The following RAB39A variants were observed in gnomAD, a reference collection of about 807,000 sequenced individuals.
RAB39A encodes RAB39A, member RAS oncogene family.
RAB39A carries 17 observed loss-of-function variants against 20.9 expected under a neutral mutation model. That is an observed-to-expected ratio of 0.81 (90% CI 0.56 to 1.22). RAB39A has a LOEUF of 1.22. Among genes scored for constraint, RAB39A ranks in the 50% most tolerant of loss-of-function variants. RAB39A has a pLI of 0.00. For missense variants in RAB39A, 234 were observed against 270.5 expected, an observed-to-expected ratio of 0.87 and a Z score of 0.95; for synonymous variants, 99 against 103.4, an observed-to-expected ratio of 0.96 and a Z score of 0.26.
chr11:107,929,201 C>T (rs1283859257), intron 1 of RAB39A, among the ~76,000 whole-genome samples: 3 of 152,202 alleles, frequency 2.0e-5, no homozygotes, highest in Admixed American at 6.5e-5. Flanking sequence ...GCAGGCGCCC[C>T]TTTTCCTACC....
At chr11:107,944,494 C>G (rs1342203412) in intron 1 of RAB39A, among the ~76,000 whole-genome samples, 1 of 152,128 alleles carries the variant, frequency 6.6e-6, no homozygotes, top group South Asian at 2.1e-4. Context: ...CTCCCAGATT[C>G]TCCTGTCTCA....
At chr11:107,946,460 ATTTTTTTTT>A (rs869125579) in intron 1 of RAB39A, among the ~76,000 whole-genome samples, 117 of 15,728 alleles carry the variant, frequency 7.4e-3, no homozygotes, top group East Asian at 0.049. Context: ...ATATATATAT[ATTTTTTTTT>A]TTTTTTTTTT....
chr11:107,934,002 A>C (rs1861167242), intron 1 of RAB39A, among the ~76,000 whole-genome samples: 2 of 152,154 alleles, frequency 1.3e-5, no homozygotes, highest in African/African-American at 4.8e-5. Context: ...TAAGTTTGGA[A>C]ATCCCTGTAT....
chr11:107,932,577 C>T (rs953028731), intron 1 of RAB39A, among the ~76,000 whole-genome samples: 1 of 152,188 alleles, frequency 6.6e-6, no homozygotes, highest in African/African-American at 2.4e-5. Context: ...TAGATTCTTT[C>T]GGCTCTCAAT....
At chr11:107,960,037 C>G (rs1565467378) in intron 1 of RAB39A, among the ~76,000 whole-genome samples, 2 of 152,070 alleles carry the variant, frequency 1.3e-5, no homozygotes, top group Non-Finnish European at 2.9e-5. Flanking sequence ...TGGTGAAACC[C>G]TGTCTCCACT....
At chr11:107,957,704 T>G (rs1320150597) in intron 1 of RAB39A, among the ~76,000 whole-genome samples, 1 of 152,186 alleles carries the variant, frequency 6.6e-6, no homozygotes, top group African/African-American at 2.4e-5. Context: ...AGGGGTTTTG[T>G]ATCTGCTTTA....
At position 107,946,396 on chromosome 11, in the gene RAB39A, ATGTG is replaced by A. The variant is rs71047654; in HGVS notation, c.228-15512_228-15509del. Among the ~76,000 whole-genome samples the A allele has an allele frequency of 5.5e-3, 206 of 37,616 alleles. 3 individuals carry two copies. The highest frequency in any genetic ancestry group is 0.016 in the African/African-American group (132 of 8,250). The allele number at this position is 37,616 out of a possible 152,430, so 24.7% of individuals were successfully genotyped here. ...CACACATATATATGTGGGTGTATAT[ATGTG>A]TGTGTGTGTGTGTGTGTGTGTGTGT... On this transcript the variant is annotated intron_variant, in intron 1 of 1. Transcript: ENST00000320578.
At chr11:107,947,128 G>T (rs1861327608) in intron 1 of RAB39A, among the ~76,000 whole-genome samples, 1 of 151,614 alleles carries the variant, frequency 6.6e-6, no homozygotes, top group Non-Finnish European at 1.5e-5. Flanking sequence ...TTGAGACAGA[G>T]TCTCACTCTG....
chr11:107,928,714 T>A lies in RAB39A; in HGVS notation c.146T>A (p.Phe49Tyr). ...PACDPTVGVD[F>Y]FSRLLEIEPG... ...TGCGACCCCACCGTCGGCGTGGACT[T>A]CTTCTCCCGCCTGCTGGAGATCGAG... Residue 49 changes from phenylalanine (F) to tyrosine (Y), a missense_variant, in exon 1 of 2, where the codon TTC becomes TAC. Phe to Tyr is a conservative substitution (Grantham distance 22, BLOSUM62 3). Transcript: ENST00000320578. This position sits in a 1 kb window ranked among gnomAD's most constrained non-coding sequence, Gnocchi z 4.9. The A allele has an allele frequency of 6.2e-7, 1 of 1,610,860 alleles. No homozygotes were observed. Among genetic ancestry groups the A allele is most frequent in the Non-Finnish European group, 8.5e-7 (1 of 1,178,440 alleles).
intron 1 of RAB39A, among the ~76,000 whole-genome samples, chr11:107,960,442 CAT>C (rs1861484498): frequency 6.6e-6 from 1 of 151,992 alleles, no homozygotes; most frequent in African/African-American, 2.4e-5. Flanking sequence ...TTGAAGCAGA[CAT>C]AGGAGTTTCT....
intron 1 of RAB39A, among the ~76,000 whole-genome samples, chr11:107,930,667 C>T (rs1185587744): frequency 2.6e-5 from 4 of 151,938 alleles, no homozygotes; most frequent in Non-Finnish European, 2.9e-5. Context: ...ACCAGCCTGG[C>T]CAATAAGGTG....
chr11:107,939,470 C>A (rs1479041605), intron 1 of RAB39A, among the ~76,000 whole-genome samples: 4 of 150,278 alleles, frequency 2.7e-5, no homozygotes, highest in African/African-American at 9.8e-5. Context: ...AAAAAATTAG[C>A]CGGGCATGGT....
intron 1 of RAB39A, among the ~76,000 whole-genome samples, chr11:107,935,031 T>G (rs988896347): frequency 1.3e-5 from 2 of 151,616 alleles, no homozygotes; most frequent in African/African-American, 4.8e-5. Flanking sequence ...CTTCCCGGCC[T>G]TTGCCTGCCT....
chr11:107,944,964 C>G (rs1296001610), intron 1 of RAB39A, among the ~76,000 whole-genome samples: 3 of 151,884 alleles, frequency 2.0e-5, no homozygotes, highest in Non-Finnish European at 4.4e-5. Flanking sequence ...GTGGGTGGAT[C>G]ACAAGGTAAG....
chr11:107,950,579 C>T (rs1002121823), intron 1 of RAB39A, among the ~76,000 whole-genome samples: 55 of 152,060 alleles, frequency 3.6e-4, no homozygotes, highest in African/African-American at 1.1e-3. Context: ...CCAGCCTGGG[C>T]AACATGGCGA....
At chr11:107,955,924 G>T (rs890297710) in intron 1 of RAB39A, among the ~76,000 whole-genome samples, 1 of 151,866 alleles carries the variant, frequency 6.6e-6, no homozygotes, top group Non-Finnish European at 1.5e-5. Context: ...ATAAAATATG[G>T]TAACTTTTCT....
intron 1 of RAB39A, among the ~76,000 whole-genome samples, chr11:107,954,394 C>T (rs542930643): frequency 1.8e-4 from 27 of 152,286 alleles, no homozygotes; most frequent in African/African-American, 6.5e-4. Flanking sequence ...TGCACATACT[C>T]TAGACTCATC....
At chr11:107,936,428 C>A (rs80130135) in intron 1 of RAB39A, among the ~76,000 whole-genome samples, 1 of 92,142 alleles carries the variant, frequency 1.1e-5, no homozygotes, top group Admixed American at 9.9e-5. Context: ...ATCTTCTCTT[C>A]TCCCACTGGC....
chr11:107,957,287 A>T lies in RAB39A; in HGVS notation c.228-4659A>T, dbSNP rs372698530. On this transcript the variant is annotated intron_variant, in intron 1 of 1. Coordinates refer to ENST00000320578, the MANE Select transcript of RAB39A (RefSeq NM_017516.3). Reference sequence around the variant, plus strand: ...AGAATGACCAAGCAGTTGGAAGATGACAGCAGTTGGCAGAGCCAGATGGCA... The same window carrying T: ...AGAATGACCAAGCAGTTGGAAGATGTCAGCAGTTGGCAGAGCCAGATGGCA... Among the ~76,000 whole-genome samples, 18 of 152,356 alleles carry T rather than the reference A, an allele frequency of 1.2e-4. No homozygotes were observed. In the East Asian group the frequency reaches 2.1e-3, roughly 18 times the overall value.
Sources: allele counts gnomAD v4.1 joint callset (sites outside exome capture counted in the v4.1 genomes callset), GRCh38; gene constraint gnomAD v4.1.1; non-coding constraint Gnocchi (gnomAD v3.1); transcripts MANE v1.5; gene names NCBI Gene and HGNC (gene_info 2026-07-23, HGNC 2026-07-21).